The following FAM217B variants were observed in gnomAD, a reference collection of about 807,000 sequenced individuals.
FAM217B encodes the protein protein FAM217B.
For synonymous variants in FAM217B, 163 were observed against 173.0 expected (o/e 0.94, Z 0.45); for missense variants, 463 against 456.9 (o/e 1.01, Z -0.12).
At chr20:59,939,867 C>CG, upstream of FAM217B, 1 of 1,246,898 alleles carries the variant, frequency 8.0e-7, no homozygotes, top group South Asian at 3.8e-5. Flanking sequence ...GCTGAGGCTC[C>CG]GGGGGCCGAG....
chr20:59,942,137 C>T (rs559162179), intron 1 of FAM217B, 61 bp from the exon 2 acceptor site: 2 of 152,624 alleles, frequency 1.3e-5, no homozygotes, highest in South Asian at 2.1e-4. Flanking sequence ...AAAACCAACC[C>T]GATACTGGTG....
At chr20:59,940,022 G>C, upstream of FAM217B, 1 of 1,108,376 alleles carries the variant, frequency 9.0e-7, no homozygotes, top group Non-Finnish European at 1.2e-6. Context: ...GCCGCAGAGA[G>C]TCCACCGTAT....
chr20:59,933,983 C>T (rs1383603970), intron 1 of FAM217B: 2 of 152,318 alleles, frequency 1.3e-5, no homozygotes, highest in Non-Finnish European at 2.9e-5. Flanking sequence ...GCCCTGGTCC[C>T]GGGACAGGCG....
chr20:59,945,089 AAAAT>A lies in FAM217B; in HGVS notation c.1152_*3del, dbSNP rs2060929858. The A allele has an allele frequency of 6.3e-7, 1 of 1,576,962 alleles. No individual in the cohort carries two copies. The highest frequency in any genetic ancestry group is 8.6e-7 in the Non-Finnish European group (1 of 1,165,778). ...GAGTAAAGCAAAACACATATAAACT[AAAAT>A]AAATATCTAAAATGCTGAATTGCCA... On this transcript the variant is annotated frameshift_variant and stop_lost, in exon 4 of 4. Coordinates refer to ENST00000360816, the MANE Select transcript of FAM217B (RefSeq NM_022106.3). LOFTEE classifies it high-confidence loss of function.
rs1394134651 is a variant in FAM217B, at chr20:59,946,321, G to A, written c.*1226G>A. The A allele has an allele frequency of 6.0e-6, 1 of 166,904 alleles. No individual in the cohort carries two copies. Among genetic ancestry groups the A allele is most frequent in the African/African-American group, 2.4e-5 (1 of 41,362 alleles). 10.3% of individuals were successfully genotyped at this position (166,904 alleles called of 1,614,324 possible). ...TTTTAATACGGCCCATGTCATTATA[G>A]TTGATTTTATCCCTTTAAACAATTA... is the stretch of plus-strand genomic sequence containing the variant. On this transcript the variant is annotated 3_prime_UTR_variant, in exon 4 of 4. Transcript: ENST00000360816.
chr20:59,940,129 G>A, upstream of FAM217B: 3 of 422,030 alleles, frequency 7.1e-6, no homozygotes, highest in Middle Eastern at 6.3e-4. Flanking sequence ...GCTTCTTGCG[G>A]TTAAAGAAAT....
chr20:59,939,242 C>A (rs17854470), upstream of FAM217B: 1 of 1,611,742 alleles, frequency 6.2e-7, no homozygotes, highest in Non-Finnish European at 8.5e-7. Flanking sequence ...CCTCCGTGCC[C>A]TCGGGGCCTG....
At chr20:59,939,714 C>T (rs1187591037), upstream of FAM217B, 7 of 1,317,612 alleles carry the variant, frequency 5.3e-6, no homozygotes, top group African/African-American at 9.3e-5. Context: ...GGGCAGTGAG[C>T]GCGCCCGCCG....
chr20:59,933,783 A>G (rs1184226269), exon 1 of FAM217B: 2 of 59,912 alleles, frequency 3.3e-5, no homozygotes, highest in African/African-American at 6.9e-5. Flanking sequence ...ACCCCCGCCA[A>G]CGCTCGCCGG....
upstream of FAM217B, chr20:59,939,254 G>A (rs367823689): frequency 4.3e-6 from 7 of 1,611,684 alleles, no homozygotes; most frequent in African/African-American, 5.3e-5. Context: ...CGGGGCCTGC[G>A]GGCCCGCGCC....
intron 1 of FAM217B, among the ~76,000 whole-genome samples, chr20:59,935,316 T>A (rs2060854324): frequency 6.6e-6 from 1 of 152,224 alleles, no homozygotes; most frequent in Non-Finnish European, 1.5e-5. Flanking sequence ...AATGTTAGTC[T>A]TTTTTATTGC....
upstream of FAM217B, chr20:59,940,135 G>T (rs1196725593): frequency 9.6e-6 from 4 of 415,390 alleles, no homozygotes; most frequent in Middle Eastern, 6.3e-4. Flanking sequence ...TGCGGTTAAA[G>T]AAATTGTAAG....
chr20:59,944,866 T>A lies in FAM217B; in HGVS notation c.923T>A (p.Leu308Gln). The A allele has an allele frequency of 1.9e-6, 3 of 1,614,240 alleles. No homozygotes were observed. The highest frequency in any genetic ancestry group is 2.5e-6 in the Non-Finnish European group (3 of 1,180,048). The stretch of plus-strand genomic sequence containing the variant: ...AGTACGAAGCTGCAGCGCTGGGATC[T>A]GTCCGGCAGTGGAAGCAGCTCTAAG... ...SKSTKLQRWDLSGSGSSSKVE... is the reference protein window; with the variant it reads ...SKSTKLQRWDQSGSGSSSKVE... Residue 308 changes from leucine to glutamine, a missense_variant, in exon 4 of 4, where the codon CTG becomes CAG. Transcript: ENST00000360816.
At position 59,944,544 on chromosome 20, in the gene FAM217B, G is replaced by A. The variant is rs1569008740; in HGVS notation, c.601G>A (p.Ala201Thr). The A allele has an allele frequency of 6.2e-7, 1 of 1,613,996 alleles. No individual in the cohort carries two copies. Among genetic ancestry groups the A allele is most frequent in the African/African-American group, 1.3e-5 (1 of 74,994 alleles). Residue 201 changes from alanine to threonine, a missense_variant, in exon 4 of 4, where the codon GCA (alanine) becomes ACA (threonine). Transcript: ENST00000360816. ...AGTCCAGACTGTACAGTGTGAAAAA[G>A]CAAAGGGGGGCAAAGCAAGGCCCCC... ...LQVQTVQCEK[A>T]KGGKARPPTA...
Position 59,945,802 on chromosome 20 carries a change from G to A in FAM217B, c.*707G>A, listed in dbSNP as rs888322390. On this transcript the variant is annotated 3_prime_UTR_variant, in exon 4 of 4. Coordinates refer to ENST00000360816, the MANE Select transcript of FAM217B (RefSeq NM_022106.3). ...GGTAAAACCTACTTTTGAGTTCTCC[G>A]AACTGAGGTTAAAATAACTTGCAGA... 5 of 166,740 alleles carry A rather than the reference G, an allele frequency of 3.0e-5. No individual in the cohort carries two copies. The highest frequency in any genetic ancestry group is 7.3e-5 in the African/African-American group (3 of 41,310). 10.3% of individuals were successfully genotyped at this position (166,740 alleles called of 1,614,324 possible). A position where few individuals can be genotyped will look rare whatever the true frequency, so the allele number is the denominator to read the frequency against.
chr20:59,939,175 CGCGGGAGCCGAGCTCCAGCAG>C, upstream of FAM217B: 1 of 1,609,724 alleles, frequency 6.2e-7, no homozygotes, highest in South Asian at 1.1e-5. Context: ...GCGAAGTGCA[CGCGGGAGCCGAGCTCCAGCAG>C]GAAGGGCGGT....
rs1284134985 is a variant in FAM217B at position 59,944,560 on chromosome 20, C to G, written c.617C>G (p.Ala206Gly). The change falls in exon 4 of 4, where the codon GCA becomes GGA. Residue 206 changes from alanine (A) to glycine (G), a missense_variant. By Grantham distance (60) the Ala-to-Gly change is moderately conservative. Coordinates refer to ENST00000360816, the MANE Select transcript of FAM217B (RefSeq NM_022106.3). ...TGTGAAAAAGCAAAGGGGGGCAAAG[C>G]AAGGCCCCCCACTGCCCCTGGGACC... ...VQCEKAKGGK[A>G]RPPTAPGTSG... 4.3e-6 allele frequency: 7 copies of G among 1,613,922 alleles called. No individual in the cohort carries two copies. Among genetic ancestry groups the G allele is most frequent in the African/African-American group, 1.3e-5 (1 of 74,896 alleles).
chr20:59,944,899 C>T lies in FAM217B; in HGVS notation c.956C>T (p.Thr319Ile), dbSNP rs1229622849. 5 of 1,614,030 alleles carry T rather than the reference C, an allele frequency of 3.1e-6. No individual in the cohort carries two copies. Among genetic ancestry groups the T allele is most frequent in the Non-Finnish European group, 4.2e-6 (5 of 1,180,028 alleles). ...SGSGSSSKVE[T>I]SGHIRVPKQA... is the part of the protein sequence containing the mutation. Reference sequence around the variant, plus strand: ...AGTGGAAGCAGCTCTAAGGTGGAAACCAGCGGTCACATTCGAGTTCCCAAA... The same window carrying T: ...AGTGGAAGCAGCTCTAAGGTGGAAATCAGCGGTCACATTCGAGTTCCCAAA... The change falls in exon 4 of 4, where the codon ACC (threonine) becomes ATC (isoleucine). Residue 319 changes from threonine to isoleucine, a missense_variant. Coordinates refer to ENST00000360816, the MANE Select transcript of FAM217B (RefSeq NM_022106.3).
intron 1 of FAM217B, among the ~76,000 whole-genome samples, chr20:59,934,577 A>G (rs766270577): frequency 2.0e-5 from 3 of 152,224 alleles, no homozygotes; most frequent in Non-Finnish European, 4.4e-5. Flanking sequence ...TCCTCCACTG[A>G]TGAGCCTACA....
Sources: allele counts gnomAD v4.1 joint callset (sites outside exome capture counted in the v4.1 genomes callset), GRCh38; gene constraint gnomAD v4.1.1; transcripts MANE v1.5; gene names NCBI Gene and HGNC (gene_info 2026-07-23, HGNC 2026-07-21).